Variants in WHRN observed in about 807,000 individuals in gnomAD.
WHRN encodes the protein whirlin.
A neutral mutation model predicts 68.3 loss-of-function variants in WHRN; 41 were observed. The observed-to-expected ratio is 0.60, with a 90% CI of 0.47 to 0.78. The LOEUF (loss-of-function observed/expected upper bound fraction) is 0.78. Ranked by LOEUF, WHRN falls within the 30% of genes least tolerant of loss-of-function variation. The probability of loss-of-function intolerance (pLI) is 0.00; values close to 1 mark genes in which losing one functional copy is unlikely to be tolerated. For missense variants in WHRN, 1,243 were observed against 1,244.7 expected (o/e 1.00, Z 0.02); for synonymous variants, 560 against 561.3 (o/e 1.00, Z 0.03).
In WHRN at chr9:114,406,655, G is replaced by A. The variant is rs761102076; in HGVS notation, c.1936C>T (p.Pro646Ser). The A allele has an allele frequency of 4.3e-6, 7 of 1,613,704 alleles. No homozygotes were observed. Among genetic ancestry groups the A allele is most frequent in the Non-Finnish European group, 5.9e-6 (7 of 1,180,008 alleles). Residue 646 changes from proline to serine, a missense_variant, in exon 9 of 12, where the codon CCC becomes TCC. Pro to Ser is a moderately conservative substitution (Grantham distance 74, BLOSUM62 -1). Transcript: ENST00000362057. Reference sequence around the variant, plus strand: ...ACGGAGGCATAGATGGGGGAAGAGGGCAAGTCCTGTGCAGAGGAGGTCCCT... The same window carrying A: ...ACGGAGGCATAGATGGGGGAAGAGGACAAGTCCTGTGCAGAGGAGGTCCCT... ...TPGTSSAQDL[P>S]SSPIYASVSP... is the part of the protein sequence containing the mutation.
rs771082050 is a variant in WHRN at position 114,423,525 on chromosome 9, TGGA to T, written c.1417-5_1417-3del. 1.2e-6 allele frequency: 2 copies of T among 1,604,010 alleles called. No homozygotes were observed. Among genetic ancestry groups the T allele is most frequent in the Admixed American group, 3.4e-5 (2 of 59,542 alleles). On this transcript the variant is annotated splice_polypyrimidine_tract_variant and splice_region_variant and intron_variant, in intron 6 of 11. Coordinates refer to ENST00000362057, the MANE Select transcript of WHRN (RefSeq NM_015404.4). ...TCTCACCTCAGAGAGGAGTGAGAACTGGAGGCGGGGACAAAAGGGGCACTCAGC... is the reference window on the plus strand; with the variant it reads ...TCTCACCTCAGAGAGGAGTGAGAACTGGCGGGGACAAAAGGGGCACTCAGC...
chr9:114,463,798 G>GA (rs1180239358), intron 3 of WHRN, among the ~76,000 whole-genome samples: 1 of 152,150 alleles, frequency 6.6e-6, no homozygotes, highest in Non-Finnish European at 1.5e-5. Flanking sequence ...CAAGCACCTA[G>GA]ATCCAACACA....
In WHRN at chr9:114,453,135, G is replaced by A. The variant is rs57625977; in HGVS notation, c.963+13132C>T. ...ATCTTGGCTCATGGTCCTGCAGGCT[G>A]TACAAACAGCGTGGTGCTGGCATCT... On this transcript the variant is annotated intron_variant, in intron 3 of 11. Coordinates refer to ENST00000362057, the MANE Select transcript of WHRN (RefSeq NM_015404.4). 8.9e-3 allele frequency among the ~76,000 whole-genome samples: 1,355 copies of A among 152,356 alleles called. 17 individuals are homozygous for A. The highest frequency in any genetic ancestry group is 0.054 in the East Asian group (278 of 5,192).
At chr9:114,405,800 G>C (rs757687699) in intron 9 of WHRN, among the ~76,000 whole-genome samples, 7 of 152,264 alleles carry the variant, frequency 4.6e-5, no homozygotes, top group Non-Finnish European at 8.8e-5. Flanking sequence ...ACAGGCGGGA[G>C]CTCCACAGCT....
intron 1 of WHRN, chr9:114,503,143 T>C (rs1844076601): frequency 3.0e-6 from 3 of 985,384 alleles, no homozygotes; most frequent in Non-Finnish European, 3.6e-6. Context: ...CAGGAGGAAG[T>C]AGTCGTGGGC....
intron 3 of WHRN, among the ~76,000 whole-genome samples, chr9:114,430,060 T>C (rs1182035125): frequency 6.6e-6 from 1 of 152,236 alleles, no homozygotes; most frequent in Non-Finnish European, 1.5e-5. Context: ...GCTAAGGGCA[T>C]CAATTTTAAT....
At chr9:114,448,463 T>G (rs888427083) in intron 3 of WHRN, among the ~76,000 whole-genome samples, 6 of 152,120 alleles carry the variant, frequency 3.9e-5, no homozygotes, top group Non-Finnish European at 8.8e-5. Flanking sequence ...ATAGCAGCCC[T>G]AGGACACTCA....
chr9:114,438,471 G>A (rs1010217486), intron 3 of WHRN, among the ~76,000 whole-genome samples: 1 of 55,576 alleles, frequency 1.8e-5, no homozygotes, highest in Non-Finnish European at 3.7e-5. Context: ...TTTTTTTTTT[G>A]AGACAGAGTC....
intron 3 of WHRN, among the ~76,000 whole-genome samples, chr9:114,458,082 A>G (rs1473144494): frequency 4.6e-5 from 7 of 152,200 alleles, no homozygotes; most frequent in African/African-American, 1.4e-4. Context: ...CATATTTTTT[A>G]AAATCTTTAC....
intron 3 of WHRN, among the ~76,000 whole-genome samples, chr9:114,448,807 G>A (rs1181433608): frequency 6.6e-6 from 1 of 152,190 alleles, no homozygotes; most frequent in Non-Finnish European, 1.5e-5. Context: ...GATGTTGAGT[G>A]TTCCAGCTGC....
intron 1 of WHRN, among the ~76,000 whole-genome samples, chr9:114,498,045 C>T (rs1009800832): frequency 1.3e-5 from 2 of 152,206 alleles, no homozygotes; most frequent in Non-Finnish European, 2.9e-5. Flanking sequence ...CGCTGCCATA[C>T]ACAGACTTCC....
chr9:114,475,761 A>C (rs781470854), intron 2 of WHRN, among the ~76,000 whole-genome samples: 7 of 152,184 alleles, frequency 4.6e-5, no homozygotes, highest in Non-Finnish European at 8.8e-5. Flanking sequence ...CCAGGGATCC[A>C]GAGACATCAG....
intron 2 of WHRN, among the ~76,000 whole-genome samples, chr9:114,469,186 C>T (rs1442615169): frequency 2.0e-5 from 3 of 152,222 alleles, no homozygotes; most frequent in East Asian, 3.8e-4. Context: ...GGCATCTCAG[C>T]CAAGCCAGCA....
intron 9 of WHRN, among the ~76,000 whole-genome samples, chr9:114,404,834 G>T (rs1001346592): frequency 1.3e-5 from 2 of 151,932 alleles, no homozygotes; most frequent in Admixed American, 1.3e-4. Flanking sequence ...GCAGTCCAGG[G>T]AATAGACTTG....
intron 3 of WHRN, among the ~76,000 whole-genome samples, chr9:114,463,624 G>T (rs1336612625): frequency 6.6e-6 from 1 of 152,320 alleles, no homozygotes; most frequent in South Asian, 2.1e-4. Flanking sequence ...GTCAACACTA[G>T]AGGAAGCTGG....
At position 114,502,868 on chromosome 9, in the gene WHRN, G is replaced by A. The variant is rs189475286; in HGVS notation, c.618+1316C>T. On this transcript the variant is annotated intron_variant, in intron 1 of 11. Coordinates refer to ENST00000362057, the MANE Select transcript of WHRN (RefSeq NM_015404.4). ...ATGGACTACTTCTTTATAAATATAT[G>A]GAATGCTAAACAAAGGGAAAAGATT... Among the ~76,000 whole-genome samples the A allele has an allele frequency of 2.7e-3, 417 of 152,270 alleles. 4 individuals are homozygous for A. The highest frequency in any genetic ancestry group is 9.6e-3 in the African/African-American group (399 of 41,526).
In WHRN at chr9:114,504,775, C is replaced by A; in HGVS notation, c.27G>T (p.Ser9=). Residue 9 remains serine, a synonymous_variant, in exon 1 of 12, where the codon TCG becomes TCT. Transcript: ENST00000362057. ...GCGAGCCGGTGGAGGACGAGCTCACCGACAGGCCGTCCAGCGGCGCGTTCA... is the reference window on the plus strand; with the variant it reads ...GCGAGCCGGTGGAGGACGAGCTCACAGACAGGCCGTCCAGCGGCGCGTTCA... MNAPLDGL[S]VSSSSTGSLG... 1 of 1,480,540 alleles carries A rather than the reference C, an allele frequency of 6.8e-7. No individual in the cohort carries two copies. The highest frequency in any genetic ancestry group is 1.3e-5 in the South Asian group (1 of 75,486). 91.7% of individuals were successfully genotyped at this position (1,480,540 alleles called of 1,614,324 possible).
chr9:114,428,931 C>CT (rs5900087), intron 3 of WHRN, among the ~76,000 whole-genome samples: 153 of 146,364 alleles, frequency 1.0e-3, no homozygotes, highest in African/African-American at 3.4e-3. Flanking sequence ...AGATTAATTT[C>CT]TTTTTTTTTT....
Position 114,423,561 on chromosome 9 carries a change from G to A in WHRN, c.1417-38C>T, listed in dbSNP as rs201341821. On this transcript the variant is annotated intron_variant, in intron 6 of 11. Transcript: ENST00000362057. ...ACAAAAGGGGCACTCAGCAGGGAGC[G>A]CTACTAGAAGGTGGAACAGGGGCCC... 7.3e-5 allele frequency: 114 copies of A among 1,566,826 alleles called. 1 individual carries two copies. In the East Asian group the frequency reaches 1.2e-3, roughly 17 times the overall value.
Sources: gnomAD v4.1 joint callset for allele counts (sites outside exome capture counted in the v4.1 genomes callset) on GRCh38, gnomAD v4.1.1 for gene constraint, MANE v1.5 for transcripts, NCBI Gene and HGNC (gene_info 2026-07-23, HGNC 2026-07-21) for gene names.